Variants in PRLR observed in about 807,000 individuals in gnomAD.
PRLR encodes prolactin receptor.
Under a neutral mutation model 40.2 loss-of-function variants are expected in PRLR, and 13 were observed. That is an observed-to-expected ratio of 0.32 (90% CI 0.21 to 0.51). The LOEUF (loss-of-function observed/expected upper bound fraction) is 0.51. Among genes scored for constraint, PRLR ranks in the 20% least tolerant of loss-of-function variants. PRLR has a pLI of 0.97. For missense variants in PRLR, 656 were observed against 747.3 expected (o/e 0.88, Z 1.42); for synonymous variants, 269 against 278.7 (o/e 0.97, Z 0.35).
At chr5:35,133,840 T>C (rs1773763667) in intron 1 of PRLR, among the ~76,000 whole-genome samples, 1 of 152,232 alleles carries the variant, frequency 6.6e-6, no homozygotes, top group Non-Finnish European at 1.5e-5. Flanking sequence ...GTCATGAGAA[T>C]GTGCTGGCAA....
At chr5:35,114,786 T>C (rs1423411208) in intron 2 of PRLR, among the ~76,000 whole-genome samples, 1 of 152,170 alleles carries the variant, frequency 6.6e-6, no homozygotes. Flanking sequence ...ATGGAGGAAA[T>C]GGGCTACAAA....
intron 1 of PRLR, among the ~76,000 whole-genome samples, chr5:35,220,464 C>A (rs1776387612): frequency 6.6e-6 from 1 of 152,216 alleles, no homozygotes; most frequent in South Asian, 2.1e-4. Context: ...GCAACTTGTA[C>A]AAGCTATTGA....
At chr5:35,148,870 A>C (rs1314273690) in intron 1 of PRLR, among the ~76,000 whole-genome samples, 1 of 152,158 alleles carries the variant, frequency 6.6e-6, no homozygotes, top group Non-Finnish European at 1.5e-5. Flanking sequence ...AAAAGAAACA[A>C]ATTACAGGTA....
Position 35,068,300 on chromosome 5 carries a change from A to C in PRLR, c.786-15T>G. The C allele has an allele frequency of 1.2e-6, 2 of 1,601,724 alleles. No homozygotes were observed. The highest frequency in any genetic ancestry group is 1.3e-5 in the African/African-American group (1 of 74,776). On this transcript the variant is annotated splice_polypyrimidine_tract_variant and intron_variant, in intron 8 of 9. Transcript: ENST00000618457. ...AGGTCACCATGCTATAAAATAATTC[A>C]TGAGATTGGCTAAATGACTCATTTC...
At chr5:35,073,683 G>A (rs558628926) in intron 5 of PRLR, among the ~76,000 whole-genome samples, 7 of 152,296 alleles carry the variant, frequency 4.6e-5, no homozygotes, top group South Asian at 2.1e-4. Flanking sequence ...AAGACATTGC[G>A]TTTGATGTCA....
intron 1 of PRLR, among the ~76,000 whole-genome samples, chr5:35,168,100 G>T (rs1417865719): frequency 1.3e-5 from 2 of 151,812 alleles, no homozygotes; most frequent in African/African-American, 2.4e-5. Context: ...CTTAATGCAA[G>T]AAATACTATT....
chr5:35,175,348 C>T (rs547109506), intron 1 of PRLR, among the ~76,000 whole-genome samples: 1 of 152,226 alleles, frequency 6.6e-6, no homozygotes, highest in Non-Finnish European at 1.5e-5. Context: ...ACTTGCTCCT[C>T]CTTGTCTTCC....
intron 2 of PRLR, among the ~76,000 whole-genome samples, chr5:35,109,483 A>G (rs554776231): frequency 2.0e-4 from 31 of 152,358 alleles, no homozygotes; most frequent in African/African-American, 7.2e-4. Flanking sequence ...CAAAGGGCTA[A>G]TATTCAGAAT....
At chr5:35,227,884 T>C (rs78331161) in intron 1 of PRLR, among the ~76,000 whole-genome samples, 4,660 of 152,282 alleles carry the variant, frequency 0.031, 102 homozygotes, top group Middle Eastern at 0.071. Flanking sequence ...GTACTCAAGA[T>C]TATGGGTCAA....
intron 1 of PRLR, among the ~76,000 whole-genome samples, chr5:35,165,311 A>G (rs1561343202): frequency 6.6e-6 from 1 of 152,214 alleles, no homozygotes; most frequent in Non-Finnish European, 1.5e-5. Flanking sequence ...CATTCCATGT[A>G]GCTGCATAAC....
intron 1 of PRLR, among the ~76,000 whole-genome samples, chr5:35,189,393 C>T (rs934398334): frequency 6.6e-6 from 1 of 152,060 alleles, no homozygotes; most frequent in African/African-American, 2.4e-5. Flanking sequence ...CCAGTCTGGC[C>T]AACATGGCAA....
intron 5 of PRLR, among the ~76,000 whole-genome samples, chr5:35,074,040 A>G (rs1364945183): frequency 6.6e-6 from 1 of 152,184 alleles, no homozygotes; most frequent in Admixed American, 6.5e-5. Flanking sequence ...CCACTCCTAG[A>G]TATAGATTCA....
chr5:35,089,472 CAAG>C, intron 3 of PRLR, 76 bp downstream of exon 3: 1 of 956,628 alleles, frequency 1.0e-6, no homozygotes, highest in Non-Finnish European at 1.7e-6. Flanking sequence ...AATGGCATTG[CAAG>C]AAGACTGCAT....
At chr5:35,052,361 A>G (rs426873), downstream of PRLR, among the ~76,000 whole-genome samples, 1 of 152,350 alleles carries the variant, frequency 6.6e-6, no homozygotes, top group East Asian at 1.9e-4. Flanking sequence ...ACATATCAAT[A>G]GATGTAGAAA....
intron 2 of PRLR, among the ~76,000 whole-genome samples, chr5:35,113,488 TCCAC>T (rs1363185779): frequency 1.7e-3 from 139 of 80,216 alleles, no homozygotes; most frequent in Non-Finnish European, 2.1e-3. Flanking sequence ...CATCCATCCA[TCCAC>T]CCACCCACCT....
chr5:35,137,971 A>C (rs1345885186), intron 1 of PRLR, among the ~76,000 whole-genome samples: 1 of 152,210 alleles, frequency 6.6e-6, no homozygotes, highest in Non-Finnish European at 1.5e-5. Flanking sequence ...AAAATGTTTA[A>C]TTTCATTAAT....
intron 3 of PRLR, among the ~76,000 whole-genome samples, chr5:35,087,437 T>C (rs1200969332): frequency 6.6e-6 from 1 of 151,470 alleles, no homozygotes; most frequent in Non-Finnish European, 1.5e-5. Flanking sequence ...TGTGTGTGTG[T>C]GTGTGTGTGT....
chr5:35,128,455 A>G (rs1206579591), intron 1 of PRLR, among the ~76,000 whole-genome samples: 2 of 151,900 alleles, frequency 1.3e-5, no homozygotes, highest in African/African-American at 4.8e-5. Flanking sequence ...CTATGTAAAT[A>G]GCAAGTGAAT....
Position 35,049,047 on chromosome 5 carries a change from G to A in PRLR, c.*240C>T, listed in dbSNP as rs1182796068. The A allele has an allele frequency of 1.3e-5, 8 of 609,054 alleles. No individual in the cohort carries two copies. In the Admixed American group the frequency reaches 1.5e-4, roughly 11 times the overall value. The allele number at this position is 609,054 out of a possible 1,614,324, so 37.7% of individuals were successfully genotyped here. The stretch of plus-strand genomic sequence containing the variant: ...GGTGAAGGCACTAGGTAAGCAGAGG[G>A]AGTATGTTACATTCAATATAATTGT... On this transcript the variant is annotated 3_prime_UTR_variant, in exon 9 of 9. Transcript: ENST00000231423.
Sources: gnomAD v4.1 joint callset for allele counts (sites outside exome capture counted in the v4.1 genomes callset) on GRCh38, gnomAD v4.1.1 for gene constraint, MANE v1.5 for transcripts, NCBI Gene and HGNC (gene_info 2026-07-23, HGNC 2026-07-21) for gene names.